Variants in CRMP1 observed in about 807,000 individuals in gnomAD.
CRMP1 encodes the protein collapsin response mediator protein 1.
Under a neutral mutation model 68.3 loss-of-function variants are expected in CRMP1, and 19 were observed. The ratio of observed to expected loss-of-function variants is 0.28; its 90% confidence interval spans 0.19 to 0.41. The LOEUF (loss-of-function observed/expected upper bound fraction) is 0.41. CRMP1 is among the 10% of genes least tolerant of loss of function. The pLI is 1.00. For missense variants in CRMP1, 791 were observed against 967.4 expected (o/e 0.82, Z 2.42); for synonymous variants, 439 against 399.6 (o/e 1.10, Z -1.18).
rs548190925 is a variant in CRMP1 at position 5,839,385 on chromosome 4, C to T, written c.1310+137G>A. The T allele has an allele frequency of 3.2e-5, 34 of 1,072,050 alleles. 1 individual carries two copies. Among genetic ancestry groups the T allele is most frequent in the South Asian group, 2.1e-4 (13 of 61,488 alleles). The allele number at this position is 1,072,050 out of a possible 1,614,324, so 66.4% of individuals were successfully genotyped here. On this transcript the variant is annotated intron_variant, in intron 9 of 13. Coordinates refer to ENST00000324989, the MANE Select transcript of CRMP1 (RefSeq NM_001014809.3). ...GAGGGCCTGTTGTAAGCCATATGAGCGCAGTCCTTGCAGAGCACGGGGCAG... is the reference window on the plus strand; with the variant it reads ...GAGGGCCTGTTGTAAGCCATATGAGTGCAGTCCTTGCAGAGCACGGGGCAG...
Position 5,843,550 on chromosome 4 carries a change from C to T in CRMP1, c.964-389G>A, listed in dbSNP as rs1711949995. On this transcript the variant is annotated intron_variant, in intron 6 of 13. Transcript: ENST00000324989. The surrounding 1 kb of genome is among the most constrained non-coding windows in gnomAD (Gnocchi z 4.1). ...ACATGGATATCTTCAACTAGGAATC[C>T]TACTCTAGTCTTTGATGTTGAAATC... 6.6e-6 allele frequency among the ~76,000 whole-genome samples: 1 copy of T among 152,100 alleles called. No individual in the cohort carries two copies. The highest frequency in any genetic ancestry group is 1.5e-5 in the Non-Finnish European group (1 of 68,010).
In CRMP1 at chr4:5,838,035, G is replaced by A. The variant is rs1720845719; in HGVS notation, c.1311-1129C>T. 6.6e-6 allele frequency among the ~76,000 whole-genome samples: 1 copy of A among 152,170 alleles called. No individual in the cohort carries two copies. The highest frequency in any genetic ancestry group is 2.4e-5 in the African/African-American group (1 of 41,442). The stretch of plus-strand genomic sequence containing the variant: ...GTCAGGGATTCAACCAAAGCAGGTG[G>A]GGATGAGGCGTGCTGGGGACAGGCT... On this transcript the variant is annotated intron_variant, in intron 9 of 13. Coordinates refer to ENST00000324989, the MANE Select transcript of CRMP1 (RefSeq NM_001014809.3). This position sits in a 1 kb window ranked among gnomAD's most constrained non-coding sequence, Gnocchi z 4.9.
rs768829884 is a variant in CRMP1, at chr4:5,834,627, G to C, written c.1623+1288C>G. Among the ~76,000 whole-genome samples, 1 of 152,108 alleles carries C rather than the reference G, an allele frequency of 6.6e-6. No individual in the cohort carries two copies. The highest frequency in any genetic ancestry group is 1.5e-5 in the Non-Finnish European group (1 of 68,032). ...AATGGACCAAGACACCCTCTCACTG[G>C]CAAGACCCTCTCAGACGCTCTCCCA... On this transcript the variant is annotated intron_variant, in intron 11 of 13. Coordinates refer to ENST00000324989, the MANE Select transcript of CRMP1 (RefSeq NM_001014809.3). The surrounding 1 kb of genome is among the most constrained non-coding windows in gnomAD (Gnocchi z 4.3).
chr4:5,858,462 G>C lies in CRMP1; in HGVS notation c.656-2155C>G, dbSNP rs765655042. Among the ~76,000 whole-genome samples, 1 of 151,968 alleles carries C rather than the reference G, an allele frequency of 6.6e-6. No individual in the cohort carries two copies. Among genetic ancestry groups the C allele is most frequent in the African/African-American group, 2.4e-5 (1 of 41,380 alleles). ...CCAACCAACGGTTCCACAGCCAGAG[G>C]CCCAGGTCACCCGTGGCACTTCCTT... On this transcript the variant is annotated intron_variant, in intron 3 of 13. Transcript: ENST00000324989. The surrounding 1 kb of genome is among the most constrained non-coding windows in gnomAD (Gnocchi z 5.5).
chr4:5,861,699 T>C lies in CRMP1; in HGVS notation c.471-489A>G, dbSNP rs1280675009. The stretch of plus-strand genomic sequence containing the variant: ...TGGGTGACTTATTGATGACGGTGGC[T>C]TCTGGTTTTTATTTGCTGGCACCAG... On this transcript the variant is annotated intron_variant, in intron 2 of 13. Coordinates refer to ENST00000324989, the MANE Select transcript of CRMP1 (RefSeq NM_001014809.3). The surrounding 1 kb of genome is among the most constrained non-coding windows in gnomAD (Gnocchi z 6.0). Among the ~76,000 whole-genome samples the C allele has an allele frequency of 1.3e-5, 2 of 152,128 alleles. No homozygotes were observed. Among genetic ancestry groups the C allele is most frequent in the Non-Finnish European group, 1.5e-5 (1 of 68,024 alleles).
rs756225847 is a variant in CRMP1, at chr4:5,870,542, C to T, written c.382-3786G>A. 3.3e-5 allele frequency among the ~76,000 whole-genome samples: 5 copies of T among 152,192 alleles called. No individual in the cohort carries two copies. Among genetic ancestry groups the T allele is most frequent in the Non-Finnish European group, 7.3e-5 (5 of 68,036 alleles). On this transcript the variant is annotated intron_variant, in intron 1 of 13. Transcript: ENST00000324989. This position sits in a 1 kb window ranked among gnomAD's most constrained non-coding sequence, Gnocchi z 6.0. ...TCCGTTTTCTTCACTGCTGTCTCTC[C>T]GGCATCTTGGACACAGCCTGGCTGG...
In CRMP1 at chr4:5,861,362, C is replaced by T; in HGVS notation, c.471-152G>A. The T allele has an allele frequency of 1.4e-6, 1 of 730,656 alleles. No individual in the cohort carries two copies. The highest frequency in any genetic ancestry group is 2.2e-6 in the Non-Finnish European group (1 of 446,612). The allele number at this position is 730,656 out of a possible 1,614,324, so 45.3% of individuals were successfully genotyped here. On this transcript the variant is annotated intron_variant, in intron 2 of 13. Coordinates refer to ENST00000324989, the MANE Select transcript of CRMP1 (RefSeq NM_001014809.3). The surrounding 1 kb of genome is among the most constrained non-coding windows in gnomAD (Gnocchi z 6.0). ...AGAGATAACTCAGGCAGGGCACATGCCCTCAAGGGGCTCATAGTCTAATAG... is the reference window on the plus strand; with the variant it reads ...AGAGATAACTCAGGCAGGGCACATGTCCTCAAGGGGCTCATAGTCTAATAG...
Position 5,842,991 on chromosome 4 carries a change from G to T in CRMP1, c.1032+102C>A. On this transcript the variant is annotated intron_variant, in intron 7 of 13. Coordinates refer to ENST00000324989, the MANE Select transcript of CRMP1 (RefSeq NM_001014809.3). The surrounding 1 kb of genome is among the most constrained non-coding windows in gnomAD (Gnocchi z 4.5). ...TTGGGATGGTCTGGGAGAGGACACGGGAAGAGGCCGGGTCCTGGCTGGGCT... is the reference window on the plus strand; with the variant it reads ...TTGGGATGGTCTGGGAGAGGACACGTGAAGAGGCCGGGTCCTGGCTGGGCT... The T allele has an allele frequency of 2.7e-6, 3 of 1,126,306 alleles. No homozygotes were observed. The highest frequency in any genetic ancestry group is 4.0e-6 in the Non-Finnish European group (3 of 747,936). The allele number at this position is 1,126,306 out of a possible 1,614,324, so 69.8% of individuals were successfully genotyped here.
intron 4 of CRMP1, among the ~76,000 whole-genome samples, 159 bp from the exon 5 acceptor site, chr4:5,851,628 C>T (rs1352919369): frequency 2.0e-5 from 3 of 151,604 alleles, no homozygotes; most frequent in African/African-American, 7.3e-5. Flanking sequence ...AGGATGTGGG[C>T]GAAGGTCAAA....
At chr4:5,880,891 T>A (rs1328948624) in intron 1 of CRMP1, among the ~76,000 whole-genome samples, 1 of 152,192 alleles carries the variant, frequency 6.6e-6, no homozygotes, top group African/African-American at 2.4e-5. Flanking sequence ...CAGTGTGGCA[T>A]CCCCACTGTG....
intron 5 of CRMP1, among the ~76,000 whole-genome samples, chr4:5,851,113 C>T (rs1712585145): frequency 6.6e-6 from 1 of 152,220 alleles, no homozygotes; most frequent in Non-Finnish European, 1.5e-5. Flanking sequence ...ACATCTGGAA[C>T]ATGCACTAAG....
chr4:5,836,120 C>A lies in CRMP1; in HGVS notation c.1453-35G>T. ...AGACCCACAGATGAGAAGAGCATCT[C>A]ATAATGGGGCCAGGAGGAGGGGCAG... On this transcript the variant is annotated intron_variant, in intron 10 of 13. Coordinates refer to ENST00000324989, the MANE Select transcript of CRMP1 (RefSeq NM_001014809.3). 7.1e-7 allele frequency: 1 copy of A among 1,416,820 alleles called. No individual in the cohort carries two copies. Among genetic ancestry groups the A allele is most frequent in the South Asian group, 1.8e-5 (1 of 54,566 alleles). 87.8% of individuals were successfully genotyped at this position (1,416,820 alleles called of 1,614,324 possible). A position where few individuals can be genotyped will look rare whatever the true frequency, so the allele number is the denominator to read the frequency against.
Position 5,853,061 on chromosome 4 carries a change from G to A in CRMP1, c.821-1592C>T, listed in dbSNP as rs1427812512. Among the ~76,000 whole-genome samples the A allele has an allele frequency of 2.0e-5, 3 of 152,226 alleles. No homozygotes were observed. Among genetic ancestry groups the A allele is most frequent in the African/African-American group, 7.2e-5 (3 of 41,462 alleles). Reference sequence around the variant, plus strand: ...CGCATCCTGATGAGCCAGGCAGACAGCTTGCAATTTATTCTGGGGATAATG... The same window carrying A: ...CGCATCCTGATGAGCCAGGCAGACAACTTGCAATTTATTCTGGGGATAATG... On this transcript the variant is annotated intron_variant, in intron 4 of 13. Transcript: ENST00000324989. The surrounding 1 kb of genome is among the most constrained non-coding windows in gnomAD (Gnocchi z 4.7).
chr4:5,828,147 G>A, intron 12 of CRMP1: 2 of 985,408 alleles, frequency 2.0e-6, no homozygotes, highest in Non-Finnish European at 2.4e-6. Flanking sequence ...TGCAAAAGGA[G>A]GATCACAGCA....
rs1715758664 is a variant in CRMP1 at position 5,888,419 on chromosome 4, G to A, written c.381+4170C>T. ...GCTCGGCGCCCGTGGATGCCCACGC[G>A]CGGCTGCCCCGGCTGCTCGGCCCGC... On this transcript the variant is annotated intron_variant, in intron 1 of 13. Transcript: ENST00000324989. This position sits in a 1 kb window ranked among gnomAD's most constrained non-coding sequence, Gnocchi z 6.4. 1.1e-5 allele frequency: 13 copies of A among 1,217,914 alleles called. No homozygotes were observed. Among genetic ancestry groups the A allele is most frequent in the Middle Eastern group, 3.1e-4 (1 of 3,238 alleles). The allele number at this position is 1,217,914 out of a possible 1,614,324, so 75.4% of individuals were successfully genotyped here. A position where few individuals can be genotyped will look rare whatever the true frequency, so the allele number is the denominator to read the frequency against.
chr4:5,847,050 G>T lies in CRMP1; in HGVS notation c.963+2342C>A, dbSNP rs116234664. 2.9e-3 allele frequency among the ~76,000 whole-genome samples: 443 copies of T among 152,218 alleles called. 1 individual carries two copies. Among genetic ancestry groups the T allele is most frequent in the Middle Eastern group, 0.014 (4 of 294 alleles). On this transcript the variant is annotated intron_variant, in intron 6 of 13. Coordinates refer to ENST00000324989, the MANE Select transcript of CRMP1 (RefSeq NM_001014809.3). Reference sequence around the variant, plus strand: ...CTCAGAAGGTAGAGCCAAGAGCTATGGAGACTTATTCTCAGGCTTTGAAAC... The same window carrying T: ...CTCAGAAGGTAGAGCCAAGAGCTATTGAGACTTATTCTCAGGCTTTGAAAC...
At position 5,883,033 on chromosome 4, in the gene CRMP1, C is replaced by T. The variant is rs1227871444; in HGVS notation, c.381+9556G>A. On this transcript the variant is annotated intron_variant, in intron 1 of 13. Transcript: ENST00000324989. The surrounding 1 kb of genome is among the most constrained non-coding windows in gnomAD (Gnocchi z 4.5). ...CCATTCACATGTATTTCCACTTCTG[C>T]GTCCTCTGATTCACCTGTGTGAAAT... 2.6e-5 allele frequency among the ~76,000 whole-genome samples: 4 copies of T among 152,142 alleles called. No individual in the cohort carries two copies. The highest frequency in any genetic ancestry group is 4.4e-5 in the Non-Finnish European group (3 of 68,030).
In CRMP1 at chr4:5,865,025, G is replaced by C. The variant is rs909596345; in HGVS notation, c.470+1643C>G. On this transcript the variant is annotated intron_variant, in intron 2 of 13. Coordinates refer to ENST00000324989, the MANE Select transcript of CRMP1 (RefSeq NM_001014809.3). This position sits in a 1 kb window ranked among gnomAD's most constrained non-coding sequence, Gnocchi z 4.1. Reference sequence around the variant, plus strand: ...CTTCACTGGGTGATTTGCATATGTGGTCCCTTTCAATGCCCCCAATACTCC... The same window carrying C: ...CTTCACTGGGTGATTTGCATATGTGCTCCCTTTCAATGCCCCCAATACTCC... Among the ~76,000 whole-genome samples the C allele has an allele frequency of 6.6e-6, 1 of 151,902 alleles. No individual in the cohort carries two copies. The highest frequency in any genetic ancestry group is 1.5e-5 in the Non-Finnish European group (1 of 68,004).
intron 11 of CRMP1, among the ~76,000 whole-genome samples, chr4:5,831,735 G>A (rs1202414620): frequency 1.3e-5 from 2 of 152,152 alleles, no homozygotes; most frequent in African/African-American, 4.8e-5. Flanking sequence ...TATCACAAAT[G>A]CCACACCCTG....
Sources: gnomAD v4.1 joint callset for allele counts (sites outside exome capture counted in the v4.1 genomes callset) on GRCh38, gnomAD v4.1.1 for gene constraint, Gnocchi (gnomAD v3.1) non-coding constraint, MANE v1.5 for transcripts, NCBI Gene and HGNC (gene_info 2026-07-23, HGNC 2026-07-21) for gene names.